GPR158: variants seen among roughly 807,000 people sequenced by gnomAD.
GPR158 encodes the protein metabotropic glycine receptor.
GPR158 carries 30 observed loss-of-function variants against 78.2 expected under a neutral mutation model. That is an observed-to-expected ratio of 0.38 (90% CI 0.29 to 0.52). The LOEUF (loss-of-function observed/expected upper bound fraction) is 0.52. Ranked by LOEUF, GPR158 falls within the 20% of genes least tolerant of loss-of-function variation. GPR158 has a pLI of 0.83. For synonymous variants in GPR158, 581 were observed against 591.1 expected, an observed-to-expected ratio of 0.98 and a Z score of 0.25; for missense variants, 1,463 against 1,523.5, an observed-to-expected ratio of 0.96 and a Z score of 0.66.
chr10:25,207,725 G>C (rs1475780550), intron 1 of GPR158, among the ~76,000 whole-genome samples: 1 of 152,072 alleles, frequency 6.6e-6, no homozygotes, highest in Non-Finnish European at 1.5e-5. Flanking sequence ...GGACTCCTGG[G>C]ATAGAGCATA....
intron 8 of GPR158, among the ~76,000 whole-genome samples, chr10:25,593,161 A>G (rs903179572): frequency 3.9e-5 from 6 of 151,952 alleles, no homozygotes; most frequent in African/African-American, 1.4e-4. Flanking sequence ...AAGGGAAAAT[A>G]ATTCTCCATT....
intron 2 of GPR158, among the ~76,000 whole-genome samples, chr10:25,377,274 G>C (rs1050049898): frequency 2.6e-5 from 4 of 151,542 alleles, no homozygotes; most frequent in African/African-American, 9.7e-5. Context: ...TAATAACTCT[G>C]TTACCTGCAT....
intron 5 of GPR158, among the ~76,000 whole-genome samples, chr10:25,531,084 G>C (rs1472544275): frequency 6.6e-6 from 1 of 152,164 alleles, no homozygotes; most frequent in Non-Finnish European, 1.5e-5. Context: ...AGGTATTTTA[G>C]ACATTCCAAT....
chr10:25,599,349 C>T lies in GPR158; in HGVS notation c.*75C>T. The T allele has an allele frequency of 1.8e-6, 2 of 1,124,636 alleles. No individual in the cohort carries two copies. The highest frequency in any genetic ancestry group is 2.5e-6 in the Non-Finnish European group (2 of 789,630). The allele number at this position is 1,124,636 out of a possible 1,614,324, so 69.7% of individuals were successfully genotyped here. On this transcript the variant is annotated 3_prime_UTR_variant, in exon 11 of 11. Transcript: ENST00000376351. ...ACAGAAGATATAAGAATCAAATATT[C>T]CCAAGGAGGATTTGTCAATCAAGGA...
intron 8 of GPR158, among the ~76,000 whole-genome samples, chr10:25,589,774 A>G (rs1191344238): frequency 6.6e-6 from 1 of 152,232 alleles, no homozygotes; most frequent in Admixed American, 6.5e-5. Flanking sequence ...ACAGTGGCTT[A>G]TCATGAAGTG....
At chr10:25,249,435 A>G (rs953005004) in intron 2 of GPR158, among the ~76,000 whole-genome samples, 24 of 152,066 alleles carry the variant, frequency 1.6e-4, no homozygotes, top group Non-Finnish European at 2.9e-4. Context: ...TCAGTATGAT[A>G]TAGGCTGTGG....
At chr10:25,185,039 G>A (rs1053638497) in intron 1 of GPR158, among the ~76,000 whole-genome samples, 1 of 152,192 alleles carries the variant, frequency 6.6e-6, no homozygotes, top group Non-Finnish European at 1.5e-5. Flanking sequence ...CTATCCATTA[G>A]ATGCCAGTGG....
chr10:25,319,441 T>G (rs1409046374), intron 2 of GPR158, among the ~76,000 whole-genome samples: 1 of 152,180 alleles, frequency 6.6e-6, no homozygotes, highest in Non-Finnish European at 1.5e-5. Context: ...GGGTATTCCA[T>G]AGGATTTGTT....
At chr10:25,285,948 G>A (rs1854345238) in intron 2 of GPR158, among the ~76,000 whole-genome samples, 1 of 152,126 alleles carries the variant, frequency 6.6e-6, no homozygotes, top group South Asian at 2.1e-4. Context: ...TTTAAAGGTG[G>A]CATTCCATTG....
At chr10:25,443,908 C>T (rs923336761) in intron 4 of GPR158, among the ~76,000 whole-genome samples, 8 of 152,016 alleles carry the variant, frequency 5.3e-5, no homozygotes, top group African/African-American at 1.9e-4. Flanking sequence ...CAGTCATGGC[C>T]ACATTTATTT....
chr10:25,491,490 T>C (rs1403398218), intron 5 of GPR158, among the ~76,000 whole-genome samples: 1 of 152,196 alleles, frequency 6.6e-6, no homozygotes, highest in East Asian at 1.9e-4. Context: ...TCAGAGTTCA[T>C]TTGTTTCTGC....
chr10:25,499,930 G>A (rs539622563), intron 5 of GPR158, among the ~76,000 whole-genome samples: 47 of 152,314 alleles, frequency 3.1e-4, no homozygotes, highest in African/African-American at 1.1e-3. Context: ...TAGGGCCTTG[G>A]TGACCATAGG....
At chr10:25,389,608 C>T (rs1040775162) in intron 2 of GPR158, among the ~76,000 whole-genome samples, 24 of 152,248 alleles carry the variant, frequency 1.6e-4, no homozygotes, top group Middle Eastern at 3.4e-3. Flanking sequence ...ACTTGGGACC[C>T]GCTGAATGGT....
At chr10:25,506,867 A>T (rs541805329) in intron 5 of GPR158, among the ~76,000 whole-genome samples, 4 of 152,350 alleles carry the variant, frequency 2.6e-5, no homozygotes, top group African/African-American at 9.6e-5. Flanking sequence ...TATGTATCTG[A>T]TATGCAAAGT....
chr10:25,463,609 AT>A (rs1438606144), intron 4 of GPR158, among the ~76,000 whole-genome samples: 1 of 152,082 alleles, frequency 6.6e-6, no homozygotes, highest in East Asian at 1.9e-4. Context: ...TCATATCACC[AT>A]TTCTTTCTAT....
At chr10:25,314,175 A>C (rs1217811042) in intron 2 of GPR158, among the ~76,000 whole-genome samples, 2 of 152,170 alleles carry the variant, frequency 1.3e-5, no homozygotes, top group Non-Finnish European at 2.9e-5. Context: ...ATCTCGGCTC[A>C]CTGCAGCCTC....
chr10:25,569,036 A>T (rs1020436895), intron 6 of GPR158, among the ~76,000 whole-genome samples: 3 of 152,186 alleles, frequency 2.0e-5, no homozygotes, highest in African/African-American at 7.2e-5. Flanking sequence ...AATACATCTT[A>T]TTCCATTTTA....
chr10:25,404,505 A>C (rs1213024740), intron 3 of GPR158, among the ~76,000 whole-genome samples: 2 of 152,116 alleles, frequency 1.3e-5, no homozygotes, highest in African/African-American at 4.8e-5. Flanking sequence ...TTTGAGTTAC[A>C]TTCAGTTTTC....
At chr10:25,200,879 T>G (rs867869967) in intron 1 of GPR158, among the ~76,000 whole-genome samples, 5,715 of 150,472 alleles carry the variant, frequency 0.038, 402 homozygotes, top group African/African-American at 0.13. Flanking sequence ...TTTTTTTTTT[T>G]TTTTTTTTCA....
Sources: allele counts gnomAD v4.1 joint callset (sites outside exome capture counted in the v4.1 genomes callset), GRCh38; gene constraint gnomAD v4.1.1; transcripts MANE v1.5; gene names NCBI Gene and HGNC (gene_info 2026-07-23, HGNC 2026-07-21).